The following SRGAP1 variants were observed in gnomAD, a reference collection of about 807,000 sequenced individuals.
The protein encoded by SRGAP1 is SLIT-ROBO Rho GTPase activating protein 1, also known as SLIT-ROBO Rho GTPase-activating protein 1.
In SRGAP1, 43 loss-of-function variants were observed where a neutral mutation model predicts 121.9. The observed-to-expected ratio is 0.35, with a 90% confidence interval of 0.28 to 0.46. The LOEUF is 0.46. Ranked by LOEUF, SRGAP1 falls within the 20% of genes least tolerant of loss-of-function variation. The pLI, the probability that SRGAP1 is intolerant of heterozygous loss-of-function variation, is 1.00. For missense variants in SRGAP1, 1,102 were observed against 1,350.9 expected, an observed-to-expected ratio of 0.82 and a Z score of 2.89; for synonymous variants, 447 against 485.4, an observed-to-expected ratio of 0.92 and a Z score of 1.04.
At chr12:64,016,118 G>A (rs894161767) in intron 3 of SRGAP1, among the ~76,000 whole-genome samples, 1 of 152,026 alleles carries the variant, frequency 6.6e-6, no homozygotes, top group Non-Finnish European at 1.5e-5. Context: ...AAAAGTTGAT[G>A]GACCTTGAGT....
intron 8 of SRGAP1, among the ~76,000 whole-genome samples, chr12:64,070,785 G>A (rs2035622786): frequency 1.3e-5 from 2 of 152,172 alleles, no homozygotes; most frequent in African/African-American, 4.8e-5. Context: ...GGAACTAAGA[G>A]ATATTTCAGT....
intron 6 of SRGAP1, among the ~76,000 whole-genome samples, chr12:64,045,747 C>T (rs919107737): frequency 6.6e-6 from 1 of 151,948 alleles, no homozygotes; most frequent in Non-Finnish European, 1.5e-5. Context: ...CCATCCAAAC[C>T]AACTTTAATA....
At chr12:63,943,451 T>A (rs2031934520) in intron 1 of SRGAP1, among the ~76,000 whole-genome samples, 1 of 152,212 alleles carries the variant, frequency 6.6e-6, no homozygotes, top group Non-Finnish European at 1.5e-5. Context: ...CTATAAACCT[T>A]ACTGGTACTG....
intron 1 of SRGAP1, among the ~76,000 whole-genome samples, chr12:63,906,326 T>G (rs2030206830): frequency 6.6e-6 from 1 of 152,150 alleles, no homozygotes; most frequent in African/African-American, 2.4e-5. Flanking sequence ...TTTTTTTGTT[T>G]TGTTTTGAGA....
chr12:63,937,550 T>G lies in SRGAP1; in HGVS notation c.68-46397T>G, dbSNP rs139764095. Among the ~76,000 whole-genome samples the G allele has an allele frequency of 7.9e-5, 12 of 152,332 alleles. No individual in the cohort carries two copies. The East Asian group carries it at 2.3e-3, about 29-fold the overall frequency. Reference sequence around the variant, plus strand: ...GACATCTGGGCCCCATATGGTAGATTAATTAAAGCAGGGATGCTGAATTTG... The same window carrying G: ...GACATCTGGGCCCCATATGGTAGATGAATTAAAGCAGGGATGCTGAATTTG... On this transcript the variant is annotated intron_variant, in intron 1 of 21. Transcript: ENST00000355086.
chr12:63,886,602 C>G (rs1035074099), intron 1 of SRGAP1, among the ~76,000 whole-genome samples: 3 of 151,964 alleles, frequency 2.0e-5, no homozygotes, highest in Admixed American at 1.3e-4. Context: ...ACTTCAGCCT[C>G]CCAAGTAGCT....
At chr12:63,898,031 A>G (rs1318078661) in intron 1 of SRGAP1, among the ~76,000 whole-genome samples, 1 of 152,238 alleles carries the variant, frequency 6.6e-6, no homozygotes, top group Non-Finnish European at 1.5e-5. Context: ...CACTGTGATA[A>G]GAAAGCAGAG....
chr12:64,095,315 C>T, intron 14 of SRGAP1, 111 bp downstream of exon 14: 4 of 860,126 alleles, frequency 4.7e-6, no homozygotes, highest in Non-Finnish European at 7.5e-6. Context: ...TTTGTATGTA[C>T]TGCATTAGGG....
At chr12:63,969,217 GC>G (rs994389798) in intron 1 of SRGAP1, among the ~76,000 whole-genome samples, 8 of 152,102 alleles carry the variant, frequency 5.3e-5, no homozygotes, top group African/African-American at 1.9e-4. Context: ...TGGTGTCAGA[GC>G]TACCTTAGAA....
Position 64,156,986 on chromosome 12 carries a change from G to A in SRGAP1, c.*14314G>A, listed in dbSNP as rs574757567. The A allele has an allele frequency of 6.6e-6, 1 of 152,324 alleles. No homozygotes were observed. The highest frequency in any genetic ancestry group is 2.1e-4 in the South Asian group (1 of 4,806). The allele number at this position is 152,324 out of a possible 1,614,324, so 9.4% of individuals were successfully genotyped here. ...ACTGCTCATGCTTTGGGACCAGAAA[G>A]CGGATGGTTTGATATGGTAGCTGCA... is the stretch of plus-strand genomic sequence containing the variant. On this transcript the variant is annotated 3_prime_UTR_variant, in exon 22 of 22. Coordinates refer to ENST00000355086, the MANE Select transcript of SRGAP1 (RefSeq NM_020762.4).
chr12:63,921,173 T>A (rs964012768), intron 1 of SRGAP1, among the ~76,000 whole-genome samples: 4 of 152,170 alleles, frequency 2.6e-5, no homozygotes, highest in Non-Finnish European at 4.4e-5. Flanking sequence ...CTAAAATATC[T>A]CTAGAATGTG....
rs145283035 is a variant in SRGAP1, at chr12:63,969,658, G to A, written c.68-14289G>A. On this transcript the variant is annotated intron_variant, in intron 1 of 21. Transcript: ENST00000355086. ...AATACAAAAAAATTAGCCGGGCGTG[G>A]TGGTGGGCACCTGTAGTCCCAGCTA... is the stretch of plus-strand genomic sequence containing the variant. Among the ~76,000 whole-genome samples, 795 of 152,162 alleles carry A rather than the reference G, an allele frequency of 5.2e-3. 6 individuals are homozygous for A. Among genetic ancestry groups the A allele is most frequent in the African/African-American group, 0.018 (727 of 41,496 alleles).
At chr12:63,882,888 GC>G (rs1900242803) in intron 1 of SRGAP1, among the ~76,000 whole-genome samples, 1 of 152,192 alleles carries the variant, frequency 6.6e-6, no homozygotes. Flanking sequence ...TCATAAAGGA[GC>G]TTTTCAACGC....
intron 8 of SRGAP1, among the ~76,000 whole-genome samples, chr12:64,070,493 AAAC>A (rs1473851060): frequency 6.6e-6 from 1 of 152,186 alleles, no homozygotes; most frequent in Non-Finnish European, 1.5e-5. Flanking sequence ...CTCACATGTA[AAAC>A]AACTAGTCTC....
Position 64,062,974 on chromosome 12 carries a change from G to A in SRGAP1, c.859G>A (p.Ala287Thr). 6.2e-7 allele frequency: 1 copy of A among 1,614,044 alleles called. No homozygotes were observed. Among genetic ancestry groups the A allele is most frequent in the South Asian group, 1.1e-5 (1 of 91,076 alleles). ...CAGAGCCCTAAGAACATATCTGTCT[G>A]CGGAGTACAACCTTGAAACCTCCAG... ...LNRALRTYLSAEYNLETSRHE... is the reference protein window; with the variant it reads ...LNRALRTYLSTEYNLETSRHE... The change falls in exon 7 of 22, where the codon GCG becomes ACG. Residue 287 changes from alanine to threonine, a missense_variant. By Grantham distance (58) the Ala-to-Thr change is moderately conservative. Around this residue, in one of 3 missense-constraint regions of SRGAP1, gnomAD observed 747 missense variants for 929.4 expected, o/e 0.80. Transcript: ENST00000355086.
intron 1 of SRGAP1, among the ~76,000 whole-genome samples, chr12:63,884,397 T>C (rs1047796575): frequency 2.6e-5 from 4 of 152,324 alleles, no homozygotes; most frequent in African/African-American, 9.6e-5. Context: ...ATTTTGTATA[T>C]TTTTAAATTG....
At chr12:64,059,277 G>A (rs935627359) in intron 6 of SRGAP1, among the ~76,000 whole-genome samples, 16 of 152,176 alleles carry the variant, frequency 1.1e-4, no homozygotes, top group African/African-American at 3.6e-4. Context: ...TTTGAGGCGT[G>A]AGCTAAGTCT....
At chr12:63,990,919 A>G (rs2033541992) in intron 3 of SRGAP1, among the ~76,000 whole-genome samples, 1 of 152,186 alleles carries the variant, frequency 6.6e-6, no homozygotes, top group Non-Finnish European at 1.5e-5. Flanking sequence ...CAGGGCACAG[A>G]AAATTCCATC....
At chr12:64,032,610 A>T in intron 4 of SRGAP1, 1 of 508,004 alleles carries the variant, frequency 2.0e-6, no homozygotes, top group Non-Finnish European at 3.5e-6. Flanking sequence ...GCTGACAACA[A>T]GCCCCCACAG....
Sources: allele counts gnomAD v4.1 joint callset (sites outside exome capture counted in the v4.1 genomes callset), GRCh38; gene constraint gnomAD v4.1.1; regional missense constraint gnomAD v4.1.1; transcripts MANE v1.5; gene names NCBI Gene and HGNC (gene_info 2026-07-23, HGNC 2026-07-21).